MICAL3: variants seen among roughly 807,000 people sequenced by gnomAD.
MICAL3 encodes the protein microtubule associated monooxygenase, calponin and LIM domain containing 3.
MICAL3 carries 62 observed loss-of-function variants against 207.4 expected under a neutral mutation model. That is an observed-to-expected ratio of 0.30 (90% CI 0.24 to 0.37). The LOEUF (loss-of-function observed/expected upper bound fraction) is 0.37. Among genes scored for constraint, MICAL3 ranks in the 10% least tolerant of loss-of-function variants. MICAL3 has a pLI of 1.00. For synonymous variants in MICAL3, 1,077 were observed against 1,069.3 expected, an observed-to-expected ratio of 1.01 and a Z score of -0.14; for missense variants, 2,368 against 2,635.6, an observed-to-expected ratio of 0.90 and a Z score of 2.22.
At chr22:17,968,482 C>T (rs1286079100) in intron 1 of MICAL3, among the ~76,000 whole-genome samples, 3 of 152,158 alleles carry the variant, frequency 2.0e-5, no homozygotes, top group Non-Finnish European at 2.9e-5. Flanking sequence ...GACCCTGGCT[C>T]GGGCAAGCTT....
rs932010207 is a variant in MICAL3, at chr22:17,796,261, C to T, written c.5651-4960G>A. Among the ~76,000 whole-genome samples the T allele has an allele frequency of 2.6e-5, 4 of 152,212 alleles. No homozygotes were observed. Among genetic ancestry groups the T allele is most frequent in the African/African-American group, 9.7e-5 (4 of 41,440 alleles). ...AGCAGCACTTCCTTTGGACGTGTGACCCAGGGGTGGCTCTTTAGTGCCACT... is the reference window on the plus strand; with the variant it reads ...AGCAGCACTTCCTTTGGACGTGTGATCCAGGGGTGGCTCTTTAGTGCCACT... On this transcript the variant is annotated intron_variant, in intron 29 of 31. Transcript: ENST00000441493. The surrounding 1 kb of genome is among the most constrained non-coding windows in gnomAD (Gnocchi z 4.4).
intron 19 of MICAL3, 176 bp downstream of exon 19, chr22:17,864,722 GA>G: frequency 1.9e-6 from 3 of 1,613,530 alleles, no homozygotes; most frequent in Non-Finnish European, 2.5e-6. Flanking sequence ...AGGCCATAGA[GA>G]AAGGGGACTC....
intron 1 of MICAL3, among the ~76,000 whole-genome samples, chr22:17,967,416 T>C (rs1281110485): frequency 1.4e-5 from 2 of 146,590 alleles, no homozygotes; most frequent in Non-Finnish European, 3.1e-5. Context: ...ATTTGATGAA[T>C]CTGCCCTATG....
At chr22:17,928,487 G>GTCT (rs1251387497) in intron 1 of MICAL3, among the ~76,000 whole-genome samples, 51 of 151,940 alleles carry the variant, frequency 3.4e-4, no homozygotes, top group African/African-American at 1.2e-3. Flanking sequence ...GTCTGCATGC[G>GTCT]TCTTCATGTA....
chr22:17,990,193 G>A (rs747672083), intron 1 of MICAL3, among the ~76,000 whole-genome samples: 1 of 152,210 alleles, frequency 6.6e-6, no homozygotes, highest in Non-Finnish European at 1.5e-5. Flanking sequence ...TGATGAGAAA[G>A]GCAGTTAGAG....
At chr22:17,832,653 T>TAG (rs1166574598) in intron 20 of MICAL3, among the ~76,000 whole-genome samples, 2 of 152,102 alleles carry the variant, frequency 1.3e-5, no homozygotes, top group South Asian at 2.1e-4. Flanking sequence ...GAAAGTCTTC[T>TAG]CTCATCCTGG....
In MICAL3 at chr22:17,884,312, C is replaced by T. The variant is rs760886803; in HGVS notation, c.2241+1566G>A. The T allele has an allele frequency of 5.0e-6, 8 of 1,590,926 alleles. No homozygotes were observed. The East Asian group carries it at 1.2e-4, about 23-fold the overall frequency. On this transcript the variant is annotated intron_variant, in intron 16 of 31. Coordinates refer to ENST00000441493, the MANE Select transcript of MICAL3 (RefSeq NM_015241.3). ...GGGGGTGGGGGCAGGGCGAACCTGC[C>T]CAGGCAGGCAGCAGGACGGCTGGCT...
At chr22:17,916,163 C>T (rs143302449) in intron 1 of MICAL3, among the ~76,000 whole-genome samples, 4 of 151,960 alleles carry the variant, frequency 2.6e-5, no homozygotes, top group Non-Finnish European at 5.9e-5. Context: ...TCCACCTTCT[C>T]GGCATTCTTC....
chr22:17,978,850 T>G (rs888856938), intron 1 of MICAL3, among the ~76,000 whole-genome samples: 1 of 149,544 alleles, frequency 6.7e-6, no homozygotes, highest in African/African-American at 2.5e-5. Context: ...ATGAATGGTA[T>G]GTGAATTATA....
At chr22:17,803,834 T>A in intron 29 of MICAL3, 1 of 985,690 alleles carries the variant, frequency 1.0e-6, no homozygotes, top group Non-Finnish European at 1.2e-6. Flanking sequence ...GTCGATGAGG[T>A]CACTGTAATA....
At chr22:17,992,566 G>GA (rs1475813509) in intron 1 of MICAL3, among the ~76,000 whole-genome samples, 3 of 152,100 alleles carry the variant, frequency 2.0e-5, no homozygotes, top group Non-Finnish European at 4.4e-5. Flanking sequence ...TAAATGTGCT[G>GA]AAAAAAGTCA....
chr22:17,830,544 G>A (rs761188455), intron 21 of MICAL3, among the ~76,000 whole-genome samples: 9 of 152,244 alleles, frequency 5.9e-5, no homozygotes, highest in Non-Finnish European at 1.3e-4. Context: ...GTCTGGAACA[G>A]TGCAAACAAA....
intron 1 of MICAL3, among the ~76,000 whole-genome samples, chr22:17,967,486 A>ACACACCCACACACACACACACACACC (rs1556491355): frequency 6.9e-6 from 1 of 145,592 alleles, no homozygotes; most frequent in African/African-American, 2.5e-5. Flanking sequence ...ACACACACAC[A>ACACACCCACACACACACACACACACC]CACACACCCA....
intron 1 of MICAL3, among the ~76,000 whole-genome samples, chr22:18,014,219 T>A (rs975884373): frequency 6.6e-5 from 10 of 152,042 alleles, no homozygotes; most frequent in Non-Finnish European, 1.3e-4. Context: ...AGGGTGCGCA[T>A]AATACAATCG....
intron 19 of MICAL3, among the ~76,000 whole-genome samples, chr22:17,853,661 C>T (rs1602059295): frequency 6.6e-6 from 1 of 152,216 alleles, no homozygotes; most frequent in South Asian, 2.1e-4. Context: ...GAAACTGAGG[C>T]TCACAGAGGT....
intron 1 of MICAL3, among the ~76,000 whole-genome samples, chr22:17,910,385 T>C (rs1932044771): frequency 6.6e-6 from 1 of 152,170 alleles, no homozygotes; most frequent in South Asian, 2.1e-4. Context: ...CAAACCCCAC[T>C]ACAGAGGAAC....
chr22:17,968,180 G>A (rs920542980), intron 1 of MICAL3, among the ~76,000 whole-genome samples: 1 of 152,246 alleles, frequency 6.6e-6, no homozygotes, highest in African/African-American at 2.4e-5. Flanking sequence ...ACCAAGTCCA[G>A]CAGAGTGAAG....
At position 17,958,761 on chromosome 22, in the gene MICAL3, T is replaced by C. The variant is rs190607654; in HGVS notation, c.-74-51875A>G. Among the ~76,000 whole-genome samples, 461 of 151,396 alleles carry C rather than the reference T, an allele frequency of 3.0e-3. 4 individuals carry two copies. The highest frequency in any genetic ancestry group is 0.011 in the African/African-American group (446 of 41,266). On this transcript the variant is annotated intron_variant, in intron 1 of 31. Coordinates refer to ENST00000441493, the MANE Select transcript of MICAL3 (RefSeq NM_015241.3). ...TCTTGTTGCCCAGGCCAGAGTGCAA[T>C]GGCGTGATCTCAGCTCACTGCAACC... is the stretch of plus-strand genomic sequence containing the variant.
intron 16 of MICAL3, among the ~76,000 whole-genome samples, chr22:17,874,534 C>T (rs990789926): frequency 3.3e-5 from 5 of 152,140 alleles, no homozygotes; most frequent in African/African-American, 7.2e-5. Context: ...TGGGGCTGCC[C>T]GTGCAAAGGC....
Sources: gnomAD v4.1 joint callset for allele counts (sites outside exome capture counted in the v4.1 genomes callset) on GRCh38, gnomAD v4.1.1 for gene constraint, Gnocchi (gnomAD v3.1) non-coding constraint, MANE v1.5 for transcripts, NCBI Gene and HGNC (gene_info 2026-07-23, HGNC 2026-07-21) for gene names.